Variants in TRABD2B observed in about 807,000 individuals in gnomAD.
The protein encoded by TRABD2B is TraB domain containing 2B.
In TRABD2B, 14 loss-of-function variants were observed where a neutral mutation model predicts 40.1. The observed-to-expected ratio is 0.35, with a 90% CI of 0.23 to 0.55. The LOEUF (loss-of-function observed/expected upper bound fraction) is 0.55. TRABD2B is among the 20% of genes least tolerant of loss of function. The probability of loss-of-function intolerance (pLI) is 0.90; values close to 1 mark genes in which losing one functional copy is unlikely to be tolerated. For missense variants in TRABD2B, 541 were observed against 648.6 expected (o/e 0.83, Z 1.80); for synonymous variants, 263 against 277.0 (o/e 0.95, Z 0.50).
intron 2 of TRABD2B, among the ~76,000 whole-genome samples, chr1:47,848,106 A>T (rs1018561103): frequency 3.3e-5 from 5 of 152,246 alleles, no homozygotes; most frequent in African/African-American, 9.6e-5. Flanking sequence ...CCCTGACTCA[A>T]GGACCCCAGC....
Position 47,788,119 on chromosome 1 carries a change from AT to A in TRABD2B, c.988+6466del, listed in dbSNP as rs756065517. Among the ~76,000 whole-genome samples, 188 of 152,306 alleles carry A rather than the reference AT, an allele frequency of 1.2e-3. 2 individuals carry two copies. The highest frequency in any genetic ancestry group is 2.7e-3 in the Admixed American group (41 of 15,298). On this transcript the variant is annotated intron_variant, in intron 4 of 6. Transcript: ENST00000606738. ...ACTGACCAGCCAAATGGAATAATAAATACCATCCTGTTTCCCTCCAAGAGGA... is the reference window on the plus strand; with the variant it reads ...ACTGACCAGCCAAATGGAATAATAAAACCATCCTGTTTCCCTCCAAGAGGA...
intron 2 of TRABD2B, among the ~76,000 whole-genome samples, chr1:47,864,216 C>A (rs1218365954): frequency 1.3e-5 from 2 of 151,964 alleles, no homozygotes; most frequent in Non-Finnish European, 2.9e-5. Context: ...ATGTACACCA[C>A]CAAGAGGGAA....
In TRABD2B at chr1:47,832,459, G is replaced by T. The variant is rs565608325; in HGVS notation, c.667-30840C>A. Among the ~76,000 whole-genome samples the T allele has an allele frequency of 3.3e-5, 5 of 152,136 alleles. No individual in the cohort carries two copies. In the South Asian group the frequency reaches 6.2e-4, roughly 19 times the overall value. On this transcript the variant is annotated intron_variant, in intron 2 of 6. Transcript: ENST00000606738. ...GGATAACAATAGCAATCCTGTTTTGGGGGGGATGATTTAAATGCATGGGAC... is the reference window on the plus strand; with the variant it reads ...GGATAACAATAGCAATCCTGTTTTGTGGGGGATGATTTAAATGCATGGGAC...
chr1:47,777,310 C>T (rs976186506), intron 5 of TRABD2B, among the ~76,000 whole-genome samples: 2 of 152,162 alleles, frequency 1.3e-5, no homozygotes, highest in African/African-American at 2.4e-5. Flanking sequence ...TTGCCCCTGG[C>T]CCCCAGTATA....
intron 2 of TRABD2B, among the ~76,000 whole-genome samples, chr1:47,898,047 G>A (rs1644548219): frequency 6.6e-6 from 1 of 152,196 alleles, no homozygotes; most frequent in South Asian, 2.1e-4. Flanking sequence ...AACACAGGTT[G>A]TTGGGTGGCA....
intron 2 of TRABD2B, among the ~76,000 whole-genome samples, chr1:47,919,920 G>A (rs909270075): frequency 6.6e-6 from 1 of 152,200 alleles, no homozygotes; most frequent in Non-Finnish European, 1.5e-5. Context: ...AGGGCTCCTG[G>A]ATGTCGCACT....
chr1:47,786,068 C>T (rs1257063258), intron 4 of TRABD2B, among the ~76,000 whole-genome samples: 2 of 152,204 alleles, frequency 1.3e-5, no homozygotes, highest in East Asian at 1.9e-4. Flanking sequence ...GGTGGCAACA[C>T]AAGAGCTCAC....
rs1644478442 is a variant in TRABD2B, at chr1:47,778,542, G to A, written c.991C>T (p.His331Tyr). ...ATGACTGTGTTGTTCCCCAGAAAGT[G>A]ACCTGGAACACAAGTGACAAAAGGG... is the stretch of plus-strand genomic sequence containing the variant. The part of the protein sequence containing the change: ...KICFFAFGAG[H>Y]FLGNNTVIDI... Residue 331 changes from histidine (H) to tyrosine (Y), a missense_variant and splice_region_variant, in exon 5 of 7, where the codon CAC (histidine) becomes TAC (tyrosine). Transcript: ENST00000606738. 1 of 1,535,718 alleles carries A rather than the reference G, an allele frequency of 6.5e-7. No individual in the cohort carries two copies. The highest frequency in any genetic ancestry group is 1.4e-5 in the African/African-American group (1 of 73,040).
At chr1:47,963,994 G>A (rs1035569445) in intron 2 of TRABD2B, among the ~76,000 whole-genome samples, 1 of 152,220 alleles carries the variant, frequency 6.6e-6, no homozygotes, top group Non-Finnish European at 1.5e-5. Context: ...CATGGTCACC[G>A]TGAGGCTACC....
intron 2 of TRABD2B, among the ~76,000 whole-genome samples, chr1:47,858,332 A>T (rs1207509529): frequency 6.6e-6 from 1 of 151,800 alleles, no homozygotes; most frequent in Non-Finnish European, 1.5e-5. Context: ...ATCACAGCTC[A>T]CTGCAACCTC....
At chr1:47,904,475 C>CAGCAGTGG (rs1489935930) in intron 2 of TRABD2B, among the ~76,000 whole-genome samples, 5 of 152,178 alleles carry the variant, frequency 3.3e-5, no homozygotes, top group Admixed American at 2.6e-4. Flanking sequence ...TACCGTGTTA[C>CAGCAGTGG]AGCAGTGGAG....
At chr1:47,899,201 C>A (rs191819307) in intron 2 of TRABD2B, among the ~76,000 whole-genome samples, 3 of 152,312 alleles carry the variant, frequency 2.0e-5, no homozygotes, top group East Asian at 3.9e-4. Context: ...GTGCACAGGG[C>A]ATGATCTTCT....
chr1:47,968,234 A>C (rs999239330), intron 2 of TRABD2B, among the ~76,000 whole-genome samples: 3 of 152,266 alleles, frequency 2.0e-5, no homozygotes, highest in Non-Finnish European at 2.9e-5. Context: ...CTATGCGTTC[A>C]TGACCCAGAT....
At chr1:47,781,790 G>A (rs776438219) in intron 4 of TRABD2B, among the ~76,000 whole-genome samples, 2 of 152,166 alleles carry the variant, frequency 1.3e-5, no homozygotes, top group Non-Finnish European at 2.9e-5. Context: ...TGTGTAATGC[G>A]GTTCCTGCGC....
At position 47,761,719 on chromosome 1, in the gene TRABD2B, C is replaced by T. The variant is rs1159194415; in HGVS notation, c.*4183G>A. 6.6e-6 allele frequency: 1 copy of T among 152,306 alleles called. No homozygotes were observed. Among genetic ancestry groups the T allele is most frequent in the African/African-American group, 2.4e-5 (1 of 41,468 alleles). 9.4% of individuals were successfully genotyped at this position (152,306 alleles called of 1,614,324 possible). ...TCTTCAGCCAGTGGGCACACTGCCCCTGCTCAAACACCTCTCCCGATGGGA... is the reference window on the plus strand; with the variant it reads ...TCTTCAGCCAGTGGGCACACTGCCCTTGCTCAAACACCTCTCCCGATGGGA... On this transcript the variant is annotated 3_prime_UTR_variant, in exon 7 of 7. Transcript: ENST00000606738.
At chr1:47,947,309 C>A (rs1212948309) in intron 2 of TRABD2B, among the ~76,000 whole-genome samples, 1 of 152,136 alleles carries the variant, frequency 6.6e-6, no homozygotes, top group Non-Finnish European at 1.5e-5. Flanking sequence ...GTGCTACTTT[C>A]TCCCACGTTA....
chr1:47,962,952 C>T (rs1157183411), intron 2 of TRABD2B, among the ~76,000 whole-genome samples: 2 of 152,178 alleles, frequency 1.3e-5, no homozygotes, highest in Non-Finnish European at 2.9e-5. Context: ...AGGCCTGCTG[C>T]CCCGCCGTGA....
intron 2 of TRABD2B, among the ~76,000 whole-genome samples, chr1:47,873,673 G>A (rs998053422): frequency 1.3e-5 from 2 of 152,140 alleles, no homozygotes; most frequent in East Asian, 1.9e-4. Context: ...GTCTGAACAC[G>A]TGTCAAGCCA....
intron 2 of TRABD2B, among the ~76,000 whole-genome samples, chr1:47,843,953 C>T (rs1217771731): frequency 2.0e-5 from 3 of 152,166 alleles, no homozygotes; most frequent in Non-Finnish European, 4.4e-5. Flanking sequence ...TCGATGGGCA[C>T]CCAGCCCCAG....
Sources: gnomAD v4.1 joint callset for allele counts (sites outside exome capture counted in the v4.1 genomes callset) on GRCh38, gnomAD v4.1.1 for gene constraint, MANE v1.5 for transcripts, NCBI Gene and HGNC (gene_info 2026-07-23, HGNC 2026-07-21) for gene names.